Variants in SANBR observed in about 807,000 individuals in gnomAD.
SANBR encodes SANT and BTB domain regulator of CSR.
SANBR carries 77 observed loss-of-function variants against 101.8 expected under a neutral mutation model. The ratio of observed to expected loss-of-function variants is 0.76; its 90% CI spans 0.63 to 0.91. The LOEUF (loss-of-function observed/expected upper bound fraction) is 0.91, where lower values mean the gene tolerates loss of function less well. Ranked by LOEUF, SANBR falls within the 40% of genes least tolerant of loss-of-function variation. The pLI is 0.00. For missense variants in SANBR, 875 were observed against 853.0 expected (o/e 1.03, Z -0.32); for synonymous variants, 279 against 274.7 (o/e 1.02, Z -0.15).
intron 4 of SANBR, among the ~76,000 whole-genome samples, chr2:61,072,902 G>A (rs1201400450): frequency 7.5e-6 from 1 of 133,178 alleles, no homozygotes; most frequent in African/African-American, 2.9e-5. Flanking sequence ...GTGTTGCTCA[G>A]GCTGGTCTTG....
chr2:61,112,210 G>C (rs1027305630), intron 16 of SANBR, among the ~76,000 whole-genome samples: 2 of 152,240 alleles, frequency 1.3e-5, no homozygotes, highest in African/African-American at 4.8e-5. Flanking sequence ...GTGTATGAGA[G>C]TTCCAGTTGC....
chr2:61,134,050 C>T (rs1467150474), intron 20 of SANBR: 1 of 1,556,094 alleles, frequency 6.4e-7, no homozygotes, highest in Non-Finnish European at 8.8e-7. Flanking sequence ...CTAACAGCTA[C>T]ATCATTTTGT....
In SANBR at chr2:61,123,274, C is replaced by G. The variant is rs1256449683; in HGVS notation, c.*1112C>G. The stretch of plus-strand genomic sequence containing the variant: ...AAGTCTTAATTTGCCTTATAACTGA[C>G]ATTTCTTCAAATTATTCAGAGAACA... On this transcript the variant is annotated 3_prime_UTR_variant, in exon 22 of 22. Transcript: ENST00000402291. The G allele has an allele frequency of 2.0e-6, 2 of 980,408 alleles. No homozygotes were observed. The highest frequency in any genetic ancestry group is 2.4e-6 in the Non-Finnish European group (2 of 825,356). The allele number at this position is 980,408 out of a possible 1,614,324, so 60.7% of individuals were successfully genotyped here.
At chr2:61,105,009 C>T (rs1373813570) in intron 13 of SANBR, among the ~76,000 whole-genome samples, 6 of 150,772 alleles carry the variant, frequency 4.0e-5, no homozygotes, top group Non-Finnish European at 8.9e-5. Flanking sequence ...TCCTCGAATT[C>T]GGTAATTTCT....
chr2:61,118,166 A>G (rs1407460925), intron 20 of SANBR, 50 bp downstream of exon 20: 2 of 1,204,196 alleles, frequency 1.7e-6, no homozygotes, highest in Non-Finnish European at 2.4e-6. Context: ...ATGCCTTCCT[A>G]CTTTTATTTT....
chr2:61,128,144 C>A (rs528983072), downstream of SANBR, among the ~76,000 whole-genome samples: 8 of 152,004 alleles, frequency 5.3e-5, no homozygotes, highest in African/African-American at 1.9e-4. Context: ...TGGTGGCATG[C>A]ACCTGTAGTC....
intron 15 of SANBR, among the ~76,000 whole-genome samples, chr2:61,108,588 C>G (rs1033473112): frequency 6.6e-6 from 1 of 151,890 alleles, no homozygotes; most frequent in African/African-American, 2.4e-5. Context: ...TAAAGTCACT[C>G]TTATGTCATA....
At chr2:61,127,270 C>A (rs1684540099), downstream of SANBR, among the ~76,000 whole-genome samples, 1 of 152,078 alleles carries the variant, frequency 6.6e-6, no homozygotes, top group Non-Finnish European at 1.5e-5. Flanking sequence ...CTGGACTGTC[C>A]CCAGCCCGGC....
intron 10 of SANBR, chr2:61,089,205 T>C (rs1031766790): frequency 2.0e-6 from 2 of 985,032 alleles, no homozygotes; most frequent in African/African-American, 3.5e-5. Context: ...TCTTCATACT[T>C]TGTCAGTATT....
intron 5 of SANBR, 52 bp from the exon 6 acceptor site, chr2:61,076,868 C>G: frequency 7.6e-7 from 1 of 1,315,054 alleles, no homozygotes; most frequent in Non-Finnish European, 1.1e-6. Flanking sequence ...GTATTCTTGA[C>G]TCCTTTTCTA....
intron 10 of SANBR, chr2:61,089,112 T>C (rs1044059121): frequency 9.2e-6 from 9 of 983,458 alleles, no homozygotes; most frequent in Non-Finnish European, 1.1e-5. Flanking sequence ...ATATTGAATT[T>C]TACAAGAGAA....
In SANBR at chr2:61,117,947, G is replaced by C. The variant is rs985674838; in HGVS notation, c.1940-81G>C. The C allele has an allele frequency of 4.0e-6, 4 of 991,488 alleles. No homozygotes were observed. In the South Asian group the frequency reaches 4.5e-5, roughly 11 times the overall value. The allele number at this position is 991,488 out of a possible 1,614,324, so 61.4% of individuals were successfully genotyped here. On this transcript the variant is annotated intron_variant, in intron 19 of 21. Coordinates refer to ENST00000402291, the MANE Select transcript of SANBR (RefSeq NM_001129993.3). ...TCAAAGGATATTTTCATAAACCCTA[G>C]GTGATTACAGTCTTTTTGAGAAATA...
At chr2:61,100,702 G>C (rs1683241722) in intron 12 of SANBR, among the ~76,000 whole-genome samples, 1 of 152,114 alleles carries the variant, frequency 6.6e-6, no homozygotes, top group Non-Finnish European at 1.5e-5. Context: ...AGAATAAGGG[G>C]GAAGACAGAA....
chr2:61,102,711 T>C (rs1683348018), intron 12 of SANBR, among the ~76,000 whole-genome samples: 1 of 151,976 alleles, frequency 6.6e-6, no homozygotes, highest in African/African-American at 2.4e-5. Flanking sequence ...TAAATTTTTG[T>C]ATTTTTATCG....
intron 12 of SANBR, 72 bp from the exon 13 acceptor site, chr2:61,103,781 A>G: frequency 7.1e-7 from 1 of 1,415,244 alleles, no homozygotes; most frequent in South Asian, 1.3e-5. Flanking sequence ...GGCAAAGAAA[A>G]GAAAAACAGT....
chr2:61,122,874 G>C lies in SANBR; in HGVS notation c.*712G>C. On this transcript the variant is annotated 3_prime_UTR_variant, in exon 22 of 22. Transcript: ENST00000402291. ...TCCTCTGTGAAACTAGTGGCATTCT[G>C]AATTTGGTAAAATAACCATTGATAG... The C allele has an allele frequency of 2.0e-6, 2 of 985,008 alleles. No homozygotes were observed. Among genetic ancestry groups the C allele is most frequent in the Non-Finnish European group, 2.4e-6 (2 of 829,548 alleles). 61.0% of individuals were successfully genotyped at this position (985,008 alleles called of 1,614,324 possible). A position where few individuals can be genotyped will look rare whatever the true frequency, so the allele number is the denominator to read the frequency against.
At chr2:61,092,352 C>G in intron 10 of SANBR, 112 bp from the exon 11 acceptor site, 1 of 780,400 alleles carries the variant, frequency 1.3e-6, no homozygotes, top group Non-Finnish European at 1.8e-6. Flanking sequence ...CCATTGCACT[C>G]CAGCCTGGGC....
chr2:61,071,148 A>G (rs879357806), intron 3 of SANBR, among the ~76,000 whole-genome samples: 5 of 152,218 alleles, frequency 3.3e-5, no homozygotes, highest in Non-Finnish European at 4.4e-5. Context: ...AATGTATACA[A>G]ATATTCTAGA....
chr2:61,093,059 G>A (rs2104904986), intron 11 of SANBR, among the ~76,000 whole-genome samples: 1 of 152,136 alleles, frequency 6.6e-6, no homozygotes, highest in Middle Eastern at 3.4e-3. Flanking sequence ...CTTGAACCCG[G>A]GAGGCAGAGA....
Sources: allele counts gnomAD v4.1 joint callset (sites outside exome capture counted in the v4.1 genomes callset), GRCh38; gene constraint gnomAD v4.1.1; transcripts MANE v1.5; gene names NCBI Gene and HGNC (gene_info 2026-07-23, HGNC 2026-07-21).